The following NTAQ1 variants were observed in gnomAD, a reference collection of about 807,000 sequenced individuals.
NTAQ1 encodes N-terminal glutamine amidase 1.
NTAQ1 carries 21 observed loss-of-function variants against 28.2 expected under a neutral mutation model. The observed-to-expected ratio is 0.74, with a 90% CI of 0.53 to 1.07. The LOEUF (loss-of-function observed/expected upper bound fraction) is 1.07, where lower values mean the gene tolerates loss of function less well. Among genes scored for constraint, NTAQ1 ranks in the 50% least tolerant of loss-of-function variants. NTAQ1 has a pLI of 0.00. For missense variants in NTAQ1, 264 were observed against 256.6 expected (o/e 1.03, Z -0.20); for synonymous variants, 105 against 90.0 (o/e 1.17, Z -0.94).
intron 3 of NTAQ1, 57 bp downstream of exon 3, chr8:123,430,090 T>C (rs752565901): frequency 1.4e-6 from 2 of 1,412,356 alleles, no homozygotes; most frequent in Non-Finnish European, 2.0e-6. Flanking sequence ...CCCTTAGTGT[T>C]CTGTATGTTT....
At chr8:123,427,728 G>C (rs576718409) in intron 1 of NTAQ1, among the ~76,000 whole-genome samples, 196 bp from the exon 2 acceptor site, 1 of 152,182 alleles carries the variant, frequency 6.6e-6, no homozygotes, top group African/African-American at 2.4e-5. Flanking sequence ...TGTGTGGAGA[G>C]GGGTTTACAC....
chr8:123,439,607 A>G (rs1036131636), intron 5 of NTAQ1, among the ~76,000 whole-genome samples: 1 of 151,904 alleles, frequency 6.6e-6, no homozygotes, highest in Non-Finnish European at 1.5e-5. Context: ...CGGCCTCCCA[A>G]AGTGCTGGGA....
chr8:123,444,795 C>T (rs1055576760), downstream of NTAQ1, among the ~76,000 whole-genome samples: 2 of 152,218 alleles, frequency 1.3e-5, no homozygotes, highest in Non-Finnish European at 2.9e-5. Context: ...AGGCGTGAGC[C>T]ACGGTGCCCA....
chr8:123,424,697 G>C (rs542919526), intron 1 of NTAQ1, among the ~76,000 whole-genome samples: 2 of 152,252 alleles, frequency 1.3e-5, no homozygotes, highest in South Asian at 4.1e-4. Flanking sequence ...GAACCACCTC[G>C]CCTGGCCCCT....
intron 1 of NTAQ1, among the ~76,000 whole-genome samples, chr8:123,421,894 G>A (rs901909040): frequency 8.6e-5 from 13 of 151,766 alleles, no homozygotes; most frequent in Non-Finnish European, 1.3e-4. Flanking sequence ...GGGTTTCACC[G>A]TGGTCTGGAT....
chr8:123,449,927 A>ATGTGTGTGTGTGTG (rs1341187426), downstream of NTAQ1, among the ~76,000 whole-genome samples: 2 of 44,840 alleles, frequency 4.5e-5, no homozygotes, highest in African/African-American at 1.3e-4. Flanking sequence ...GTGTATATAT[A>ATGTGTGTGTGTGTG]TATGTGTGTG....
Position 123,416,951 on chromosome 8 carries a change from A to G in NTAQ1, c.83+19A>G. ...GCTACTGGTGAGGGGGCGCGGGCGC[A>G]GCCTCTGGGTCTCCCAGGCTCCCGG... On this transcript the variant is annotated intron_variant, in intron 1 of 5. Transcript: ENST00000287387. 1 of 1,455,822 alleles carries G rather than the reference A, an allele frequency of 6.9e-7. No individual in the cohort carries two copies. The highest frequency in any genetic ancestry group is 2.4e-5 in the Admixed American group (1 of 41,464). The allele number at this position is 1,455,822 out of a possible 1,614,324, so 90.2% of individuals were successfully genotyped here. A position where few individuals can be genotyped will look rare whatever the true frequency, so the allele number is the denominator to read the frequency against.
At chr8:123,431,968 G>T (rs895681518) in intron 3 of NTAQ1, among the ~76,000 whole-genome samples, 15 of 152,152 alleles carry the variant, frequency 9.9e-5, no homozygotes, top group Admixed American at 7.2e-4. Context: ...GGGAAACTTG[G>T]AGGGGAAGGA....
chr8:123,450,077 T>C (rs4871378), downstream of NTAQ1, among the ~76,000 whole-genome samples: 43,869 of 146,978 alleles, frequency 0.3, 7,023 homozygotes, highest in South Asian at 0.44. Flanking sequence ...CAGGCCTCTA[T>C]GATATCATTG....
At chr8:123,450,512 C>T (rs974495703), downstream of NTAQ1, among the ~76,000 whole-genome samples, 6 of 149,174 alleles carry the variant, frequency 4.0e-5, no homozygotes, top group African/African-American at 1.2e-4. Context: ...TTTTGAAGAA[C>T]GAATTACCCA....
chr8:123,466,529 A>G (rs551079768), intron 6 of NTAQ1, among the ~76,000 whole-genome samples: 6 of 152,346 alleles, frequency 3.9e-5, no homozygotes, highest in African/African-American at 1.4e-4. Context: ...CTCTAGTAAG[A>G]CCATGTTTGT....
At chr8:123,424,292 G>A (rs1813906170) in intron 1 of NTAQ1, among the ~76,000 whole-genome samples, 1 of 151,152 alleles carries the variant, frequency 6.6e-6, no homozygotes, top group African/African-American at 2.4e-5. Context: ...GCCTGGGCTG[G>A]AGTGCAGTAG....
intron 1 of NTAQ1, among the ~76,000 whole-genome samples, chr8:123,425,469 C>T (rs531524141): frequency 6.6e-6 from 1 of 151,366 alleles, no homozygotes; most frequent in South Asian, 2.1e-4. Flanking sequence ...CCCACCCCCC[C>T]ACTTTTTTTT....
intron 1 of NTAQ1, among the ~76,000 whole-genome samples, chr8:123,426,971 A>T (rs1052544270): frequency 6.6e-5 from 10 of 152,038 alleles, no homozygotes; most frequent in Non-Finnish European, 1.3e-4. Flanking sequence ...AAAAATAAAT[A>T]AATAAAAAAA....
intron 5 of NTAQ1, among the ~76,000 whole-genome samples, chr8:123,439,844 C>T (rs933109859): frequency 1.2e-4 from 18 of 151,742 alleles, no homozygotes; most frequent in African/African-American, 4.1e-4. Context: ...ATCCCAGCTA[C>T]TCAGGAGGCT....
At chr8:123,453,834 CAGTAA>C (rs1173971162) in intron 6 of NTAQ1, among the ~76,000 whole-genome samples, 6 of 152,268 alleles carry the variant, frequency 3.9e-5, no homozygotes, top group South Asian at 4.2e-4. Flanking sequence ...AACGTAGGCA[CAGTAA>C]AGTAAAGTGA....
chr8:123,432,104 G>C (rs1195212685), intron 3 of NTAQ1, among the ~76,000 whole-genome samples: 3 of 152,148 alleles, frequency 2.0e-5, no homozygotes, highest in African/African-American at 2.4e-5. Flanking sequence ...GTAGGGCATG[G>C]GTAGGCCTCG....
chr8:123,475,241 T>C, the NTAQ1 span, among the ~76,000 whole-genome samples: 1 of 152,244 alleles, frequency 6.6e-6, no homozygotes, highest in Non-Finnish European at 1.5e-5. Context: ...CATGCCTCAT[T>C]ATTTTTAGTG....
chr8:123,440,502 CTTT>C (rs554416057), intron 5 of NTAQ1, among the ~76,000 whole-genome samples: 1 of 123,888 alleles, frequency 8.1e-6, no homozygotes. Context: ...TTCCTTTCTT[CTTT>C]TTTTTTTTTT....
Sources: gnomAD v4.1 joint callset for allele counts (sites outside exome capture counted in the v4.1 genomes callset) on GRCh38, gnomAD v4.1.1 for gene constraint, MANE v1.5 for transcripts, NCBI Gene and HGNC (gene_info 2026-07-23, HGNC 2026-07-21) for gene names.